The following BMERB1 variants were observed in gnomAD, a reference collection of about 807,000 sequenced individuals.
BMERB1 encodes the protein bMERB domain containing 1.
Under a neutral mutation model 23.6 loss-of-function variants are expected in BMERB1, and 12 were observed. The ratio of observed to expected loss-of-function variants is 0.51; its 90% CI spans 0.33 to 0.82. BMERB1 has a LOEUF of 0.82. BMERB1 is among the 40% of genes least tolerant of loss of function. The pLI is 0.03. For missense variants in BMERB1, 247 were observed against 255.4 expected, an observed-to-expected ratio of 0.97 and a Z score of 0.22; for synonymous variants, 122 against 96.6, an observed-to-expected ratio of 1.26 and a Z score of -1.54.
chr16:15,524,316 G>A (rs1241332355), intron 2 of BMERB1, among the ~76,000 whole-genome samples: 3 of 152,090 alleles, frequency 2.0e-5, no homozygotes, highest in Admixed American at 6.6e-5. Flanking sequence ...GGGGTGTAGG[G>A]GAGGGAAAGG....
At chr16:15,459,310 C>T (rs2051116068) in intron 1 of BMERB1, among the ~76,000 whole-genome samples, 1 of 151,274 alleles carries the variant, frequency 6.6e-6, no homozygotes, top group Non-Finnish European at 1.5e-5. Context: ...ATTAAATACT[C>T]CAATCAACAG....
intron 3 of BMERB1, among the ~76,000 whole-genome samples, chr16:15,577,872 C>T (rs1327815824): frequency 2.6e-5 from 4 of 152,336 alleles, no homozygotes; most frequent in Admixed American, 6.5e-5. Flanking sequence ...GCCATTTTGC[C>T]TCTTAATGTG....
intron 1 of BMERB1, among the ~76,000 whole-genome samples, chr16:15,481,319 G>T (rs1048714074): frequency 6.6e-6 from 1 of 152,164 alleles, no homozygotes. Flanking sequence ...GAGGTCAGGG[G>T]ATCGAGACCA....
At chr16:15,460,495 A>G (rs539922820) in intron 1 of BMERB1, among the ~76,000 whole-genome samples, 1 of 152,172 alleles carries the variant, frequency 6.6e-6, no homozygotes, top group Non-Finnish European at 1.5e-5. Flanking sequence ...AATAAAAAGT[A>G]AGACATTACT....
At chr16:15,496,687 C>A (rs898101933) in intron 1 of BMERB1, among the ~76,000 whole-genome samples, 6 of 151,992 alleles carry the variant, frequency 3.9e-5, no homozygotes, top group African/African-American at 1.4e-4. Flanking sequence ...TACAGGCGCC[C>A]GCCACCACGC....
chr16:15,500,140 C>T (rs950492509), intron 1 of BMERB1, among the ~76,000 whole-genome samples: 1 of 152,168 alleles, frequency 6.6e-6, no homozygotes, highest in African/African-American at 2.4e-5. Context: ...ACAGAGATAC[C>T]TGTGTCCTTC....
At chr16:15,555,383 A>T (rs914299610) in intron 2 of BMERB1, among the ~76,000 whole-genome samples, 1 of 152,106 alleles carries the variant, frequency 6.6e-6, no homozygotes, top group East Asian at 1.9e-4. Flanking sequence ...TAATTTTTTT[A>T]TATCATACAT....
chr16:15,485,250 A>G (rs373781928), intron 1 of BMERB1, among the ~76,000 whole-genome samples: 2 of 152,278 alleles, frequency 1.3e-5, no homozygotes, highest in East Asian at 1.9e-4. Flanking sequence ...TCCAAATTGC[A>G]TTCAGAAAAT....
intron 1 of BMERB1, among the ~76,000 whole-genome samples, chr16:15,454,158 A>G (rs958420705): frequency 1.3e-5 from 2 of 152,194 alleles, no homozygotes; most frequent in Non-Finnish European, 2.9e-5. Flanking sequence ...ACAGAACTGT[A>G]CACAGCACAG....
intron 2 of BMERB1, among the ~76,000 whole-genome samples, chr16:15,549,934 A>T (rs2030035683): frequency 6.6e-6 from 1 of 151,346 alleles, no homozygotes; most frequent in African/African-American, 2.4e-5. Flanking sequence ...ATCCTACCTG[A>T]TATTTCCCAT....
chr16:15,565,148 TGAAAG>T (rs2030528960), intron 2 of BMERB1, among the ~76,000 whole-genome samples: 1 of 151,704 alleles, frequency 6.6e-6, no homozygotes, highest in Admixed American at 6.6e-5. Context: ...ATGGCACTGC[TGAAAG>T]GAGTCAGCAG....
intron 3 of BMERB1, among the ~76,000 whole-genome samples, chr16:15,579,545 G>A (rs1427254072): frequency 2.0e-5 from 3 of 152,196 alleles, no homozygotes; most frequent in Admixed American, 6.5e-5. Context: ...TCAGTCGTGG[G>A]CAGGCAGACA....
chr16:15,476,988 A>T (rs990552213), intron 1 of BMERB1, among the ~76,000 whole-genome samples: 1 of 152,074 alleles, frequency 6.6e-6, no homozygotes, highest in African/African-American at 2.4e-5. Flanking sequence ...AGATATGGTT[A>T]AAAAAAATTT....
chr16:15,472,291 T>C (rs2051235529), intron 1 of BMERB1, among the ~76,000 whole-genome samples: 1 of 152,234 alleles, frequency 6.6e-6, no homozygotes, highest in African/African-American at 2.4e-5. Context: ...TATGCAGTTA[T>C]TCTATATCCT....
At chr16:15,582,860 A>G (rs2031050699) in intron 4 of BMERB1, among the ~76,000 whole-genome samples, 1 of 152,140 alleles carries the variant, frequency 6.6e-6, no homozygotes, top group South Asian at 2.1e-4. Context: ...CAAGGTCAGG[A>G]GAGGTGCTGC....
chr16:15,440,161 C>T lies in BMERB1; in HGVS notation c.106+5402C>T, dbSNP rs533671997. ...TAGGGAGGCTGAGGTGAGAGAATTG[C>T]TTGTACTCAGGAGGCAGAGGTTGCA... On this transcript the variant is annotated intron_variant, in intron 1 of 5. Transcript: ENST00000300006. Among the ~76,000 whole-genome samples, 414 of 144,720 alleles carry T rather than the reference C, an allele frequency of 2.9e-3. 1 individual carries two copies. Among genetic ancestry groups the T allele is most frequent in the Non-Finnish European group, 5.2e-3 (347 of 67,010 alleles). 94.9% of individuals were successfully genotyped at this position (144,720 alleles called of 152,430 possible). A position where few individuals can be genotyped will look rare whatever the true frequency, so the allele number is the denominator to read the frequency against.
intron 1 of BMERB1, among the ~76,000 whole-genome samples, chr16:15,495,661 T>C (rs2051466184): frequency 6.6e-6 from 1 of 152,218 alleles, no homozygotes. Context: ...CCACCGCGCC[T>C]GGCCTACTTT....
At chr16:15,570,047 G>A (rs2030683770) in intron 3 of BMERB1, among the ~76,000 whole-genome samples, 1 of 152,166 alleles carries the variant, frequency 6.6e-6, no homozygotes, top group South Asian at 2.1e-4. Flanking sequence ...ATGGGGGTTG[G>A]TTAGATCAGA....
At chr16:15,488,815 C>G (rs1455052544) in intron 1 of BMERB1, among the ~76,000 whole-genome samples, 2 of 134,456 alleles carry the variant, frequency 1.5e-5, no homozygotes, top group Non-Finnish European at 3.1e-5. Flanking sequence ...GAGACTCCGT[C>G]TCAAAAAAAA....
Sources: gnomAD v4.1 joint callset for allele counts (sites outside exome capture counted in the v4.1 genomes callset) on GRCh38, gnomAD v4.1.1 for gene constraint, MANE v1.5 for transcripts, NCBI Gene and HGNC (gene_info 2026-07-23, HGNC 2026-07-21) for gene names.